Variants in SCFD1 observed in about 807,000 individuals in gnomAD.
SCFD1 encodes the protein sec1 family domain-containing protein 1.
In SCFD1, 37 loss-of-function variants were observed where a neutral mutation model predicts 103.2. The ratio of observed to expected loss-of-function variants is 0.36; its 90% confidence interval spans 0.28 to 0.47. The LOEUF (loss-of-function observed/expected upper bound fraction) is 0.47. Ranked by LOEUF, SCFD1 falls within the 20% of genes least tolerant of loss-of-function variation. SCFD1 has a pLI of 1.00. For synonymous variants in SCFD1, 264 were observed against 245.0 expected (o/e 1.08, Z -0.73); for missense variants, 639 against 761.2 (o/e 0.84, Z 1.89).
chr14:30,718,206 C>G (rs1218772996), intron 20 of SCFD1, among the ~76,000 whole-genome samples: 1 of 152,210 alleles, frequency 6.6e-6, no homozygotes, highest in Non-Finnish European at 1.5e-5. Context: ...TGACTTCCCA[C>G]GTCACACTAC....
intron 23 of SCFD1, among the ~76,000 whole-genome samples, chr14:30,729,823 ATAT>A (rs1893310995): frequency 6.6e-6 from 1 of 151,898 alleles, no homozygotes; most frequent in Non-Finnish European, 1.5e-5. Context: ...TCTTTCAATA[ATAT>A]TTTGTAGTCT....
intron 14 of SCFD1, among the ~76,000 whole-genome samples, chr14:30,694,050 G>T (rs1890510118): frequency 6.6e-6 from 1 of 151,986 alleles, no homozygotes; most frequent in South Asian, 2.1e-4. Flanking sequence ...AAACTAATAA[G>T]GAAAAAGTTT....
intron 16 of SCFD1, among the ~76,000 whole-genome samples, chr14:30,701,197 A>G (rs747985342): frequency 3.3e-5 from 5 of 152,228 alleles, no homozygotes; most frequent in Non-Finnish European, 5.9e-5. Flanking sequence ...TTGGCATATT[A>G]AGACAGCAAA....
intron 3 of SCFD1, among the ~76,000 whole-genome samples, chr14:30,632,046 G>GAAAAAAAAAAAAAAATAAAAAAA (rs1884207204): frequency 1.4e-5 from 1 of 70,266 alleles, no homozygotes; most frequent in Non-Finnish European, 2.6e-5. Flanking sequence ...AGATTCTGTT[G>GAAAAAAAAAAAAAAATAAAAAAA]AAAAAAAAAA....
chr14:30,666,929 A>G (rs954296648), intron 10 of SCFD1, among the ~76,000 whole-genome samples: 19 of 152,164 alleles, frequency 1.2e-4, no homozygotes, highest in African/African-American at 4.3e-4. Flanking sequence ...CAACCCAAAA[A>G]AAAAGTCCAG....
intron 23 of SCFD1, among the ~76,000 whole-genome samples, chr14:30,729,298 G>T (rs959667604): frequency 6.6e-6 from 1 of 151,938 alleles, no homozygotes. Flanking sequence ...GCTTTTCGTG[G>T]CATATCTAAG....
chr14:30,668,340 A>G (rs2139192177), intron 10 of SCFD1, among the ~76,000 whole-genome samples: 1 of 152,356 alleles, frequency 6.6e-6, no homozygotes, highest in East Asian at 1.9e-4. Flanking sequence ...AAAACTGGCT[A>G]GCCATATGTA....
At chr14:30,667,102 A>T (rs1028311801) in intron 10 of SCFD1, among the ~76,000 whole-genome samples, 1 of 152,170 alleles carries the variant, frequency 6.6e-6, no homozygotes, top group South Asian at 2.1e-4. Flanking sequence ...GACACAACAA[A>T]AAACGAGAAT....
intron 21 of SCFD1, 152 bp downstream of exon 21, chr14:30,719,529 T>C (rs1892508352): frequency 1.6e-6 from 1 of 611,514 alleles, no homozygotes; most frequent in South Asian, 2.0e-5. Flanking sequence ...TCCAGAGATA[T>C]CTCTAGTAAT....
chr14:30,709,150 TCA>T (rs1223715483), intron 19 of SCFD1, among the ~76,000 whole-genome samples: 1 of 152,166 alleles, frequency 6.6e-6, no homozygotes, highest in African/African-American at 2.4e-5. Flanking sequence ...ATCAAAAGAA[TCA>T]GTTATTCAGA....
intron 14 of SCFD1, among the ~76,000 whole-genome samples, chr14:30,694,552 C>T (rs1394191703): frequency 6.6e-6 from 1 of 151,886 alleles, no homozygotes. Flanking sequence ...GTGACACATA[C>T]CTGTGGTCTC....
Position 30,639,513 on chromosome 14 carries a change from C to A in SCFD1, c.436-264C>A, listed in dbSNP as rs1389058792. The stretch of plus-strand genomic sequence containing the variant: ...TCCCATCACAACCACAATTTAAGTT[C>A]TTGTATCTGCTTAAATTTTGTTTTC... On this transcript the variant is annotated intron_variant, in intron 5 of 24. Coordinates refer to ENST00000458591, the MANE Select transcript of SCFD1 (RefSeq NM_016106.4). Among the ~76,000 whole-genome samples, 2 of 152,088 alleles carry A rather than the reference C, an allele frequency of 1.3e-5. 1 individual carries two copies. The highest frequency in any genetic ancestry group is 4.8e-5 in the African/African-American group (2 of 41,412).
chr14:30,635,743 TG>T (rs1447254875), intron 4 of SCFD1, among the ~76,000 whole-genome samples: 1 of 152,170 alleles, frequency 6.6e-6, no homozygotes, highest in Admixed American at 6.6e-5. Context: ...TCTGTGGACA[TG>T]TTTTCAATTC....
chr14:30,673,203 C>G lies in SCFD1; in HGVS notation c.996-54C>G. ...CATTGTATATATTTTAGAATTTACA[C>G]AAAAATTGGTCTTTTAATGTCATCC... On this transcript the variant is annotated intron_variant, in intron 11 of 24. Transcript: ENST00000458591. 4 of 781,648 alleles carry G rather than the reference C, an allele frequency of 5.1e-6. No homozygotes were observed. In the South Asian group the frequency reaches 8.0e-5, roughly 16 times the overall value. 48.4% of individuals were successfully genotyped at this position (781,648 alleles called of 1,614,324 possible). A position where few individuals can be genotyped will look rare whatever the true frequency, so the allele number is the denominator to read the frequency against.
chr14:30,661,365 A>G (rs1887435286), intron 10 of SCFD1, among the ~76,000 whole-genome samples: 2 of 152,192 alleles, frequency 1.3e-5, no homozygotes, highest in East Asian at 1.9e-4. Flanking sequence ...TTAAAACCAC[A>G]TATCATCACC....
chr14:30,660,356 TTAAC>T (rs1887327555), intron 10 of SCFD1, among the ~76,000 whole-genome samples: 1 of 152,194 alleles, frequency 6.6e-6, no homozygotes, highest in Non-Finnish European at 1.5e-5. Flanking sequence ...CAAGGCCACT[TTAAC>T]TAGCAGTGTT....
At chr14:30,702,439 A>G in intron 17 of SCFD1, 64 bp downstream of exon 17, 1 of 986,760 alleles carries the variant, frequency 1.0e-6, no homozygotes, top group Non-Finnish European at 1.5e-6. Flanking sequence ...CTTCATTCCC[A>G]AGAAAATGGG....
intron 10 of SCFD1, among the ~76,000 whole-genome samples, chr14:30,666,703 A>G (rs1336761133): frequency 6.6e-6 from 1 of 152,212 alleles, no homozygotes; most frequent in African/African-American, 2.4e-5. Context: ...GACGCAATAA[A>G]AAATGATAAA....
intron 10 of SCFD1, among the ~76,000 whole-genome samples, chr14:30,661,020 G>A (rs923406255): frequency 6.6e-6 from 1 of 152,084 alleles, no homozygotes; most frequent in African/African-American, 2.4e-5. Flanking sequence ...GGCTATTAGC[G>A]CTGTTTATTT....
Sources: gnomAD v4.1 joint callset for allele counts (sites outside exome capture counted in the v4.1 genomes callset) on GRCh38, gnomAD v4.1.1 for gene constraint, MANE v1.5 for transcripts, NCBI Gene and HGNC (gene_info 2026-07-23, HGNC 2026-07-21) for gene names.